MECOM: variants seen among roughly 807,000 people sequenced by gnomAD.
MECOM encodes histone-lysine N-methyltransferase MECOM.
MECOM carries 13 observed loss-of-function variants against 116.3 expected under a neutral mutation model. The ratio of observed to expected loss-of-function variants is 0.11; its 90% CI spans 0.07 to 0.18. The LOEUF (loss-of-function observed/expected upper bound fraction) is 0.18. Among genes scored for constraint, MECOM ranks in the 10% least tolerant of loss-of-function variants. The pLI, the probability that MECOM is intolerant of heterozygous loss-of-function variation, is 1.00. For synonymous variants in MECOM, 528 were observed against 535.2 expected (o/e 0.99, Z 0.19); for missense variants, 1,299 against 1,509.0 (o/e 0.86, Z 2.31).
intron 2 of MECOM, among the ~76,000 whole-genome samples, chr3:169,279,230 C>T (rs1759984051): frequency 6.6e-6 from 1 of 152,152 alleles, no homozygotes; most frequent in Non-Finnish European, 1.5e-5. Flanking sequence ...TGGTTTAGGG[C>T]TCCTGACCCC....
intron 7 of MECOM, chr3:169,120,810 T>C (rs531383814): frequency 9.2e-6 from 3 of 324,786 alleles, no homozygotes; most frequent in South Asian, 1.3e-4. Context: ...GATTATCTAA[T>C]GAATTTTCTT....
At chr3:169,166,283 G>C (rs1743578015) in intron 2 of MECOM, among the ~76,000 whole-genome samples, 1 of 152,162 alleles carries the variant, frequency 6.6e-6, no homozygotes, top group South Asian at 2.1e-4. Flanking sequence ...ATAACAGCAT[G>C]GTAGGGAAGC....
At chr3:169,183,848 T>A in intron 2 of MECOM, among the ~76,000 whole-genome samples, 1 of 146,464 alleles carries the variant, frequency 6.8e-6, no homozygotes, top group Non-Finnish European at 1.5e-5. Context: ...ACATACATAT[T>A]TTTTTCTTTT....
At chr3:169,289,116 T>C (rs116312009) in intron 2 of MECOM, among the ~76,000 whole-genome samples, 2,023 of 152,266 alleles carry the variant, frequency 0.013, 53 homozygotes, top group African/African-American at 0.046. Context: ...GTTAGTTGAA[T>C]TGAATACCTA....
chr3:169,529,221 C>A (rs1337336182), intron 1 of MECOM, among the ~76,000 whole-genome samples: 1 of 152,124 alleles, frequency 6.6e-6, no homozygotes, highest in East Asian at 1.9e-4. Context: ...AATAAGCTCA[C>A]AATCCACCAG....
At chr3:169,631,329 C>G (rs367579905) in intron 1 of MECOM, among the ~76,000 whole-genome samples, 1 of 152,168 alleles carries the variant, frequency 6.6e-6, no homozygotes, top group South Asian at 2.1e-4. Flanking sequence ...AAGTCAGTAT[C>G]TTTTGCTATA....
At chr3:169,549,179 C>T (rs1172133189) in intron 1 of MECOM, among the ~76,000 whole-genome samples, 2 of 152,060 alleles carry the variant, frequency 1.3e-5, no homozygotes, top group African/African-American at 4.8e-5. Context: ...ACCATGTTGG[C>T]CAGGCTGGTC....
At chr3:169,180,160 T>C (rs760793652) in intron 2 of MECOM, among the ~76,000 whole-genome samples, 2 of 152,220 alleles carry the variant, frequency 1.3e-5, no homozygotes, top group African/African-American at 2.4e-5. Flanking sequence ...CTATCTATAA[T>C]ACCTTAAAGT....
intron 11 of MECOM, among the ~76,000 whole-genome samples, chr3:169,101,395 T>C (rs1049159234): frequency 6.6e-6 from 1 of 152,098 alleles, no homozygotes; most frequent in Non-Finnish European, 1.5e-5. Context: ...ATGCATAGAG[T>C]GGTATCAGAT....
chr3:169,149,818 A>G (rs1029526872), intron 2 of MECOM: 2 of 378,694 alleles, frequency 5.3e-6, no homozygotes, highest in African/African-American at 4.2e-5. Context: ...CATTATCGTC[A>G]TCATCAGTCT....
At chr3:169,112,938 C>G in intron 8 of MECOM, 64 bp from the exon 9 acceptor site, 1 of 1,168,748 alleles carries the variant, frequency 8.6e-7, no homozygotes, top group Non-Finnish European at 1.3e-6. Context: ...TACATAATCA[C>G]TGACATTTAA....
chr3:169,432,320 G>A (rs574988383), intron 1 of MECOM, among the ~76,000 whole-genome samples: 1 of 152,036 alleles, frequency 6.6e-6, no homozygotes, highest in Non-Finnish European at 1.5e-5. Context: ...CATCACACTC[G>A]GCTACTTTTG....
chr3:169,660,767 C>CG (rs1236918035), intron 1 of MECOM, among the ~76,000 whole-genome samples: 3 of 152,130 alleles, frequency 2.0e-5, no homozygotes, highest in Non-Finnish European at 2.9e-5. Context: ...ACGCGCTACT[C>CG]GGGGGAAGGA....
At chr3:169,383,229 G>A (rs1474799342) in intron 1 of MECOM, among the ~76,000 whole-genome samples, 1 of 152,086 alleles carries the variant, frequency 6.6e-6, no homozygotes, top group East Asian at 1.9e-4. Context: ...TTGGTTCTTG[G>A]TTCAAACACT....
chr3:169,638,723 C>G (rs1056824934), intron 1 of MECOM, among the ~76,000 whole-genome samples: 1 of 152,192 alleles, frequency 6.6e-6, no homozygotes, highest in African/African-American at 2.4e-5. Context: ...AATATTCACT[C>G]CATTTATCTC....
intron 5 of MECOM, 106 bp downstream of exon 5, chr3:169,127,738 C>A: frequency 1.2e-6 from 1 of 845,742 alleles, no homozygotes; most frequent in Non-Finnish European, 2.0e-6. Flanking sequence ...TGCATTTGTC[C>A]AGCTCACTGG....
chr3:169,642,114 G>C (rs1773563570), intron 1 of MECOM, among the ~76,000 whole-genome samples: 2 of 152,110 alleles, frequency 1.3e-5, no homozygotes, highest in South Asian at 4.1e-4. Flanking sequence ...ACTAGTAAAG[G>C]CCTTCCCATT....
intron 12 of MECOM, among the ~76,000 whole-genome samples, chr3:169,095,742 C>A (rs530994681): frequency 6.6e-6 from 1 of 152,060 alleles, no homozygotes; most frequent in Non-Finnish European, 1.5e-5. Context: ...AAATAGCAAT[C>A]AATATTTTAG....
At chr3:169,657,937 T>C (rs1048288443) in intron 1 of MECOM, among the ~76,000 whole-genome samples, 4 of 152,232 alleles carry the variant, frequency 2.6e-5, no homozygotes, top group Non-Finnish European at 5.9e-5. Flanking sequence ...ACTAAGGATC[T>C]GGAAGAACTA....
Sources: gnomAD v4.1 joint callset for allele counts (sites outside exome capture counted in the v4.1 genomes callset) on GRCh38, gnomAD v4.1.1 for gene constraint, MANE v1.5 for transcripts, NCBI Gene and HGNC (gene_info 2026-07-23, HGNC 2026-07-21) for gene names.